The following ABI3BP variants were observed in gnomAD, a reference collection of about 807,000 sequenced individuals.
The protein encoded by ABI3BP is ABI family member 3 binding protein.
A neutral mutation model predicts 268.6 loss-of-function variants in ABI3BP; 216 were observed. The observed-to-expected ratio is 0.80, with a 90% CI of 0.72 to 0.90. The LOEUF is 0.90. Among genes scored for constraint, ABI3BP ranks in the 40% least tolerant of loss-of-function variants. The pLI is 0.00. For missense variants in ABI3BP, 2,090 were observed against 2,182.4 expected, an observed-to-expected ratio of 0.96 and a Z score of 0.84; for synonymous variants, 730 against 730.0, an observed-to-expected ratio of 1.00 and a Z score of 0.00.
chr3:100,992,007 C>A (rs1301208184), intron 1 of ABI3BP, among the ~76,000 whole-genome samples: 3 of 152,120 alleles, frequency 2.0e-5, no homozygotes, highest in African/African-American at 2.4e-5. Flanking sequence ...GTTAAATATT[C>A]CATTAGTAGG....
At chr3:100,829,707 C>T (rs771198976) in intron 32 of ABI3BP, 43 bp from the exon 33 acceptor site, 74 of 1,423,328 alleles carry the variant, frequency 5.2e-5, no homozygotes, top group Middle Eastern at 3.5e-4. Flanking sequence ...TGTTTGGTTC[C>T]GGAAGCTGTG....
chr3:100,849,773 T>C (rs1400712052), intron 17 of ABI3BP, among the ~76,000 whole-genome samples: 1 of 152,188 alleles, frequency 6.6e-6, no homozygotes, highest in Non-Finnish European at 1.5e-5. Context: ...TTATCTATAA[T>C]TCTGCTGCTA....
intron 29 of ABI3BP, among the ~76,000 whole-genome samples, chr3:100,833,441 A>C (rs1317136698): frequency 1.3e-5 from 2 of 152,188 alleles, no homozygotes; most frequent in African/African-American, 4.8e-5. Flanking sequence ...TAGGACATCT[A>C]ATAATGTTAT....
At chr3:100,919,083 A>T (rs1219102676) in intron 2 of ABI3BP, among the ~76,000 whole-genome samples, 2 of 151,882 alleles carry the variant, frequency 1.3e-5, no homozygotes, top group Admixed American at 6.6e-5. Flanking sequence ...CTCTCTAAGG[A>T]CTCTGCCAGG....
chr3:100,921,634 G>A (rs973867251), intron 2 of ABI3BP, among the ~76,000 whole-genome samples: 8 of 151,988 alleles, frequency 5.3e-5, no homozygotes, highest in South Asian at 2.1e-4. Context: ...GGAAAATACT[G>A]TTTTTCCTAC....
intron 53 of ABI3BP, among the ~76,000 whole-genome samples, chr3:100,795,548 C>A (rs571898033): frequency 2.0e-5 from 3 of 152,146 alleles, no homozygotes; most frequent in Admixed American, 1.3e-4. Flanking sequence ...AGTAAACATA[C>A]TGGACTCATT....
At chr3:100,876,982 C>T (rs2099167503) in intron 6 of ABI3BP, among the ~76,000 whole-genome samples, 1 of 152,048 alleles carries the variant, frequency 6.6e-6, no homozygotes, top group Admixed American at 6.5e-5. Context: ...CAGCGAGACT[C>T]CATCTCAAAA....
In ABI3BP at chr3:100,963,221, C is replaced by T. The variant is rs375045133; in HGVS notation, c.79+30085G>A. Among the ~76,000 whole-genome samples the T allele has an allele frequency of 9.9e-5, 15 of 152,256 alleles. No individual in the cohort carries two copies. In the South Asian group the frequency reaches 2.5e-3, roughly 25 times the overall value. Reference sequence around the variant, plus strand: ...TGGTTAAGCAATCGGCCCAAGATCACACCATTACTAAGTGGCAGGGTTGAG... The same window carrying T: ...TGGTTAAGCAATCGGCCCAAGATCATACCATTACTAAGTGGCAGGGTTGAG... On this transcript the variant is annotated intron_variant, in intron 1 of 67. Transcript: ENST00000471714.
intron 7 of ABI3BP, 66 bp downstream of exon 7, chr3:100,876,442 GTGTT>G: frequency 7.6e-7 from 1 of 1,315,352 alleles, no homozygotes; most frequent in African/African-American, 1.5e-5. Flanking sequence ...AATATGTGCC[GTGTT>G]TGATTACCTT....
In ABI3BP at chr3:100,840,811, C is replaced by G. The variant is rs1291170031; in HGVS notation, c.1804+9G>C. 6 of 1,533,736 alleles carry G rather than the reference C, an allele frequency of 3.9e-6. No homozygotes were observed. The highest frequency in any genetic ancestry group is 5.2e-6 in the Non-Finnish European group (6 of 1,145,192). On this transcript the variant is annotated intron_variant, in intron 22 of 67. Transcript: ENST00000471714. ...AGAAACAAAGGTCACCCACTCAATACTCTATTACCTAATGTTGTTGAAGGT... is the reference window on the plus strand; with the variant it reads ...AGAAACAAAGGTCACCCACTCAATAGTCTATTACCTAATGTTGTTGAAGGT...
At chr3:100,816,555 G>T in intron 43 of ABI3BP, 133 bp downstream of exon 43, 1 of 812,826 alleles carries the variant, frequency 1.2e-6, no homozygotes, top group Non-Finnish European at 2.0e-6. Flanking sequence ...TGCTACCCAT[G>T]TTAAATAATT....
intron 44 of ABI3BP, among the ~76,000 whole-genome samples, chr3:100,815,544 T>C (rs1243413861): frequency 6.6e-6 from 1 of 152,140 alleles, no homozygotes; most frequent in East Asian, 1.9e-4. Context: ...ACAGGTTTTA[T>C]AGAAACTAAG....
In ABI3BP at chr3:100,794,958, G is replaced by C. The variant is rs1029569806; in HGVS notation, c.3911C>G (p.Pro1304Arg). 2 of 1,570,754 alleles carry C rather than the reference G, an allele frequency of 1.3e-6. No individual in the cohort carries two copies. The highest frequency in any genetic ancestry group is 1.7e-6 in the Non-Finnish European group (2 of 1,158,048). Residue 1304 changes from proline (P) to arginine (R), a missense_variant, in exon 54 of 68, where the codon CCA (proline) becomes CGA (arginine). By Grantham distance (103) the Pro-to-Arg change is moderately radical. Transcript: ENST00000471714. The part of the protein sequence containing the change: ...RGIPFIPMIS[P>R]SPSQEELQTT... ...CTGTAGTTCCTCTTGACTAGGACTT[G>C]GGGAAATCATGGGTATAAAAGGGAT...
intron 9 of ABI3BP, among the ~76,000 whole-genome samples, chr3:100,867,640 CAAAAAAA>C (rs5851230): frequency 3.1e-5 from 2 of 64,228 alleles, no homozygotes; most frequent in Non-Finnish European, 5.5e-5. Flanking sequence ...GACCCCGTCT[CAAAAAAA>C]AAAAAAAAAA....
chr3:100,764,531 G>C (rs1392588241), intron 63 of ABI3BP, among the ~76,000 whole-genome samples: 1 of 152,180 alleles, frequency 6.6e-6, no homozygotes, highest in African/African-American at 2.4e-5. Flanking sequence ...ACTGTGAGAA[G>C]ATCTGAGGAC....
intron 40 of ABI3BP, among the ~76,000 whole-genome samples, chr3:100,819,593 TAAA>T (rs1455776426): frequency 6.6e-6 from 1 of 152,008 alleles, no homozygotes; most frequent in Non-Finnish European, 1.5e-5. Context: ...TTTCTAGAAA[TAAA>T]AATGCCTGGT....
chr3:100,825,682 T>G, intron 35 of ABI3BP, 103 bp downstream of exon 35: 1 of 892,376 alleles, frequency 1.1e-6, no homozygotes, highest in South Asian at 1.4e-5. Context: ...TTTGCTATTT[T>G]GTAGAGGAAG....
chr3:100,838,873 A>G (rs1324941361), intron 24 of ABI3BP, among the ~76,000 whole-genome samples: 4 of 152,192 alleles, frequency 2.6e-5, no homozygotes, highest in African/African-American at 9.7e-5. Context: ...ACACATGAGA[A>G]ATAATGTTAC....
At chr3:100,781,970 C>T (rs1227237162) in intron 57 of ABI3BP, among the ~76,000 whole-genome samples, 1 of 152,190 alleles carries the variant, frequency 6.6e-6, no homozygotes, top group African/African-American at 2.4e-5. Flanking sequence ...GGATCCAAAG[C>T]CTATCTCTTC....
Sources: gnomAD v4.1 joint callset for allele counts (sites outside exome capture counted in the v4.1 genomes callset) on GRCh38, gnomAD v4.1.1 for gene constraint, MANE v1.5 for transcripts, NCBI Gene and HGNC (gene_info 2026-07-23, HGNC 2026-07-21) for gene names.